The following MARCHF1 variants were observed in gnomAD, a reference collection of about 807,000 sequenced individuals.
The protein encoded by MARCHF1 is E3 ubiquitin-protein ligase MARCHF1.
In MARCHF1, 40 loss-of-function variants were observed where a neutral mutation model predicts 54.2. The observed-to-expected ratio is 0.74, with a 90% confidence interval of 0.57 to 0.96. The LOEUF is 0.96. Ranked by LOEUF, MARCHF1 falls within the 40% of genes least tolerant of loss-of-function variation. MARCHF1 has a pLI of 0.00. For synonymous variants in MARCHF1, 236 were observed against 236.3 expected (o/e 1.00, Z 0.01); for missense variants, 586 against 656.5 (o/e 0.89, Z 1.17).
At chr4:164,302,868 TAAA>T (rs70952621) in intron 1 of MARCHF1, among the ~76,000 whole-genome samples, 24,717 of 113,744 alleles carry the variant, frequency 0.22, 2,468 homozygotes, top group Middle Eastern at 0.27. Context: ...GAGACTGTCT[TAAA>T]AAAAAAAAAA....
intron 7 of MARCHF1, among the ~76,000 whole-genome samples, chr4:163,611,803 A>C (rs1417596472): frequency 6.6e-6 from 1 of 152,074 alleles, no homozygotes; most frequent in South Asian, 2.1e-4. Flanking sequence ...TACCCTGCTG[A>C]GTCAAACAAT....
At chr4:164,089,753 C>T (rs1229251993) in intron 2 of MARCHF1, among the ~76,000 whole-genome samples, 2 of 152,002 alleles carry the variant, frequency 1.3e-5, no homozygotes, top group East Asian at 3.9e-4. Flanking sequence ...TGAAAGGGCT[C>T]ATCCTCAGAG....
intron 1 of MARCHF1, among the ~76,000 whole-genome samples, chr4:164,162,428 G>A (rs139022319): frequency 1.3e-5 from 2 of 152,104 alleles, no homozygotes. Flanking sequence ...AATCCAGAGA[G>A]GGCAGCTGTG....
At chr4:164,288,076 C>T (rs1734194860) in intron 1 of MARCHF1, among the ~76,000 whole-genome samples, 1 of 151,968 alleles carries the variant, frequency 6.6e-6, no homozygotes, top group African/African-American at 2.4e-5. Context: ...GGGGAGCACA[C>T]AAAAATGTTA....
At position 163,699,811 on chromosome 4, in the gene MARCHF1, G is replaced by C. The variant is rs148125639; in HGVS notation, c.162+1002C>G. On this transcript the variant is annotated intron_variant, in intron 5 of 9. Transcript: ENST00000514618. ...TTACTTTTCACTTCCCAAGCACCAG[G>C]TGTATATATCACATGGCGACTCATT... Among the ~76,000 whole-genome samples, 262 of 152,154 alleles carry C rather than the reference G, an allele frequency of 1.7e-3. 1 individual carries two copies. Among genetic ancestry groups the C allele is most frequent in the Non-Finnish European group, 3.1e-3 (208 of 68,012 alleles).
intron 5 of MARCHF1, among the ~76,000 whole-genome samples, chr4:163,633,236 G>A: frequency 6.6e-6 from 1 of 152,220 alleles, no homozygotes; most frequent in African/African-American, 2.4e-5. Context: ...ACGGAACAAA[G>A]CTGGACGGAG....
At chr4:164,157,349 C>T (rs1188488110) in intron 1 of MARCHF1, among the ~76,000 whole-genome samples, 3 of 151,982 alleles carry the variant, frequency 2.0e-5, no homozygotes, top group South Asian at 2.1e-4. Context: ...ACATTATTCA[C>T]GATTAAACAA....
chr4:163,780,309 C>T (rs550700813), intron 4 of MARCHF1, among the ~76,000 whole-genome samples: 1 of 152,324 alleles, frequency 6.6e-6, no homozygotes, highest in South Asian at 2.1e-4. Context: ...ATTAGCTTAT[C>T]AAGGGAATCA....
chr4:164,305,816 T>C (rs558856515), intron 1 of MARCHF1, among the ~76,000 whole-genome samples: 3 of 152,126 alleles, frequency 2.0e-5, no homozygotes, highest in African/African-American at 2.4e-5. Context: ...ATATGCTAAT[T>C]AGCTTGATTT....
chr4:164,129,602 T>G (rs780500107), intron 1 of MARCHF1, among the ~76,000 whole-genome samples: 1 of 152,212 alleles, frequency 6.6e-6, no homozygotes, highest in Admixed American at 6.6e-5. Flanking sequence ...ATTTTTTGAA[T>G]TAGTTGATTA....
chr4:163,697,901 A>G (rs1744685025), intron 5 of MARCHF1, among the ~76,000 whole-genome samples: 1 of 152,332 alleles, frequency 6.6e-6, no homozygotes, highest in African/African-American at 2.4e-5. Context: ...CCTAGAAAAC[A>G]TTGCATATAT....
At chr4:163,739,698 A>G (rs1746142702) in intron 4 of MARCHF1, among the ~76,000 whole-genome samples, 1 of 152,200 alleles carries the variant, frequency 6.6e-6, no homozygotes, top group East Asian at 1.9e-4. Flanking sequence ...TTCTCTTAGG[A>G]AAAATTTTCA....
At chr4:163,638,708 G>A (rs185177214) in intron 5 of MARCHF1, among the ~76,000 whole-genome samples, 1 of 152,150 alleles carries the variant, frequency 6.6e-6, no homozygotes, top group Non-Finnish European at 1.5e-5. Flanking sequence ...ATAGATATTT[G>A]TACATTCACA....
At chr4:163,830,178 T>A (rs1579320756) in intron 4 of MARCHF1, among the ~76,000 whole-genome samples, 1 of 152,166 alleles carries the variant, frequency 6.6e-6, no homozygotes, top group East Asian at 1.9e-4. Flanking sequence ...GCAGACTAGA[T>A]CAAACAACAC....
At chr4:164,064,768 G>A (rs781678654) in intron 2 of MARCHF1, among the ~76,000 whole-genome samples, 7 of 152,140 alleles carry the variant, frequency 4.6e-5, no homozygotes, top group African/African-American at 7.2e-5. Flanking sequence ...CATTCAGTAT[G>A]ATGTTGACTG....
intron 4 of MARCHF1, among the ~76,000 whole-genome samples, chr4:163,809,258 CA>C (rs1178753366): frequency 6.6e-6 from 1 of 152,076 alleles, no homozygotes; most frequent in Non-Finnish European, 1.5e-5. Context: ...ATGGGTTATG[CA>C]AAATAGCTTA....
chr4:163,710,385 TACAC>T (rs1745071659), intron 4 of MARCHF1, among the ~76,000 whole-genome samples: 2 of 152,322 alleles, frequency 1.3e-5, no homozygotes, highest in African/African-American at 4.8e-5. Flanking sequence ...ATTATGTACT[TACAC>T]ATTTATTAAT....
chr4:163,619,529 G>C (rs187095085), intron 5 of MARCHF1, among the ~76,000 whole-genome samples: 1 of 152,184 alleles, frequency 6.6e-6, no homozygotes. Flanking sequence ...TATAATTCTA[G>C]AAATTAACAG....
intron 1 of MARCHF1, among the ~76,000 whole-genome samples, chr4:164,167,674 G>A (rs1206606745): frequency 2.0e-5 from 3 of 151,692 alleles, no homozygotes; most frequent in African/African-American, 4.8e-5. Flanking sequence ...GGACATAGTG[G>A]GGAACAATAA....
Sources: gnomAD v4.1 joint callset for allele counts (sites outside exome capture counted in the v4.1 genomes callset) on GRCh38, gnomAD v4.1.1 for gene constraint, MANE v1.5 for transcripts, NCBI Gene and HGNC (gene_info 2026-07-23, HGNC 2026-07-21) for gene names.